The following CA13 variants were observed in gnomAD, a reference collection of about 807,000 sequenced individuals.
CA13 encodes the protein CA-XIII.
Under a neutral mutation model 31.5 loss-of-function variants are expected in CA13, and 21 were observed. That is an observed-to-expected ratio of 0.67 (90% CI 0.47 to 0.96). CA13 has a LOEUF of 0.96. Ranked by LOEUF, CA13 falls within the 40% of genes least tolerant of loss-of-function variation. CA13 has a pLI of 0.00. For missense variants in CA13, 315 were observed against 318.9 expected (o/e 0.99, Z 0.09); for synonymous variants, 117 against 111.4 (o/e 1.05, Z -0.32).
chr8:85,245,872 G>T lies in CA13; in HGVS notation c.37+7G>T, dbSNP rs142533959. On this transcript the variant is annotated splice_region_variant and intron_variant, in intron 1 of 6. Coordinates refer to ENST00000321764, the MANE Select transcript of CA13 (RefSeq NM_198584.3). ...GGATACCGCGAGCACAACGGTGAGC[G>T]CCTTTTCCTGATCCAAGGGGGGGTT... 1,250 of 1,614,118 alleles carry T rather than the reference G, an allele frequency of 7.7e-4. 7 individuals carry two copies. In the African/African-American group the frequency reaches 0.015, roughly 19 times the overall value.
At chr8:85,281,108 CAG>C in intron 6 of CA13, 120 bp from the exon 7 acceptor site, 1 of 1,216,472 alleles carries the variant, frequency 8.2e-7, no homozygotes, top group Non-Finnish European at 1.1e-6. Flanking sequence ...TGACATGTAA[CAG>C]AAAATTTTCA....
In CA13 at chr8:85,282,770, A is replaced by G. The variant is rs1227001864; in HGVS notation, c.*1421A>G. On this transcript the variant is annotated 3_prime_UTR_variant, in exon 7 of 7. Coordinates refer to ENST00000321764, the MANE Select transcript of CA13 (RefSeq NM_198584.3). ...TGGTGTTTCTTTTGCCCTTTCTGGT[A>G]CAAACAGAGGGACACTAAGCATTAA... 6.6e-6 allele frequency: 1 copy of G among 152,152 alleles called. No homozygotes were observed. The allele number at this position is 152,152 out of a possible 1,614,324, so 9.4% of individuals were successfully genotyped here.
At chr8:85,277,746 G>A (rs547040184) in intron 6 of CA13, among the ~76,000 whole-genome samples, 8 of 151,934 alleles carry the variant, frequency 5.3e-5, no homozygotes, top group Admixed American at 3.9e-4. Context: ...GGCATCAGCC[G>A]GAAGTGAGGA....
At chr8:85,260,336 T>G (rs939041736) in intron 3 of CA13, among the ~76,000 whole-genome samples, 2 of 152,350 alleles carry the variant, frequency 1.3e-5, no homozygotes, top group East Asian at 1.9e-4. Flanking sequence ...ATTATATGAC[T>G]CAATCAATAC....
intron 2 of CA13, among the ~76,000 whole-genome samples, chr8:85,256,161 G>A (rs1052012674): frequency 2.6e-5 from 4 of 151,790 alleles, no homozygotes; most frequent in African/African-American, 9.7e-5. Context: ...ATTAATATTT[G>A]CCGTTTAACA....
Position 85,281,168 on chromosome 8 carries a change from G to A in CA13, c.670-62G>A. Reference sequence around the variant, plus strand: ...TTATAGATATATCTTCTTTATGCAGGGTAATTCATTAATATTGGTGGGAAT... The same window carrying A: ...TTATAGATATATCTTCTTTATGCAGAGTAATTCATTAATATTGGTGGGAAT... On this transcript the variant is annotated intron_variant, in intron 6 of 6. Coordinates refer to ENST00000321764, the MANE Select transcript of CA13 (RefSeq NM_198584.3). 1.9e-6 allele frequency: 3 copies of A among 1,579,928 alleles called. No individual in the cohort carries two copies. In the South Asian group the frequency reaches 3.4e-5, roughly 18 times the overall value.
At chr8:85,256,526 C>T (rs969974111) in intron 2 of CA13, among the ~76,000 whole-genome samples, 7 of 152,170 alleles carry the variant, frequency 4.6e-5, no homozygotes, top group African/African-American at 1.7e-4. Flanking sequence ...TGAAGTCAAA[C>T]AAATTATTCA....
intron 6 of CA13, among the ~76,000 whole-genome samples, chr8:85,271,845 G>T (rs1807530954): frequency 6.6e-6 from 1 of 152,068 alleles, no homozygotes; most frequent in Non-Finnish European, 1.5e-5. Context: ...AAGGCGGATG[G>T]ATCACCTAAG....
intron 6 of CA13, among the ~76,000 whole-genome samples, chr8:85,275,584 G>C (rs1281973505): frequency 6.6e-6 from 1 of 152,154 alleles, no homozygotes; most frequent in African/African-American, 2.4e-5. Context: ...TGCCACGGGT[G>C]ATTTTGGAGG....
chr8:85,274,912 C>G (rs762893696), intron 6 of CA13, among the ~76,000 whole-genome samples: 1 of 152,126 alleles, frequency 6.6e-6, no homozygotes, highest in Non-Finnish European at 1.5e-5. Flanking sequence ...ACAGGGACTC[C>G]GAGGGTGTTG....
intron 1 of CA13, among the ~76,000 whole-genome samples, chr8:85,249,613 G>C (rs80125334): frequency 1.3e-5 from 2 of 151,756 alleles, no homozygotes; most frequent in Admixed American, 6.6e-5. Flanking sequence ...TTTGGTTGTC[G>C]TTAGTAACAG....
chr8:85,277,159 C>G (rs1454363498), intron 6 of CA13, among the ~76,000 whole-genome samples: 1 of 152,198 alleles, frequency 6.6e-6, no homozygotes, highest in South Asian at 2.1e-4. Flanking sequence ...CTGAGGTCTT[C>G]TTCCACACCG....
Position 85,281,469 on chromosome 8 carries a change from G to T in CA13, c.*120G>T, listed in dbSNP as rs1245918063. On this transcript the variant is annotated 3_prime_UTR_variant, in exon 7 of 7. Transcript: ENST00000321764. ...ATTCTAATTTATAGGAAACATTTTAGTATGAGCTTCAGTGTCACAAAGAAA... is the reference window on the plus strand; with the variant it reads ...ATTCTAATTTATAGGAAACATTTTATTATGAGCTTCAGTGTCACAAAGAAA... 15 of 1,455,786 alleles carry T rather than the reference G, an allele frequency of 1.0e-5. No homozygotes were observed. The East Asian group carries it at 3.1e-4, about 31-fold the overall frequency. The allele number at this position is 1,455,786 out of a possible 1,614,324, so 90.2% of individuals were successfully genotyped here.
rs1457509286 is a variant in CA13, at chr8:85,283,347, T to C, written c.*1998T>C. 1 of 152,216 alleles carries C rather than the reference T, an allele frequency of 6.6e-6. No homozygotes were observed. The highest frequency in any genetic ancestry group is 1.5e-5 in the Non-Finnish European group (1 of 68,040). The allele number at this position is 152,216 out of a possible 1,614,324, so 9.4% of individuals were successfully genotyped here. ...TGAGCTCCTGAAGAGTGAAGCTAAT[T>C]CTTTGGTCAATGTTCTTTTCCCCTC... On this transcript the variant is annotated 3_prime_UTR_variant, in exon 7 of 7. Coordinates refer to ENST00000321764, the MANE Select transcript of CA13 (RefSeq NM_198584.3).
At chr8:85,255,294 A>C (rs1807274997) in intron 2 of CA13, among the ~76,000 whole-genome samples, 1 of 146,370 alleles carries the variant, frequency 6.8e-6, no homozygotes. Context: ...ACAAGATCTC[A>C]CTCTGTCACC....
intron 3 of CA13, among the ~76,000 whole-genome samples, chr8:85,265,442 A>T (rs1807442468): frequency 6.6e-6 from 1 of 152,214 alleles, no homozygotes; most frequent in Admixed American, 6.5e-5. Flanking sequence ...TTGCAATGGT[A>T]AAACATTTAG....
chr8:85,246,417 C>T (rs1308277416), intron 1 of CA13: 2 of 456,068 alleles, frequency 4.4e-6, no homozygotes, highest in South Asian at 3.1e-5. Flanking sequence ...AATATTCCCA[C>T]AGCAATTTGC....
At chr8:85,278,345 G>A (rs1215582014) in intron 6 of CA13, among the ~76,000 whole-genome samples, 1 of 151,784 alleles carries the variant, frequency 6.6e-6, no homozygotes, top group African/African-American at 2.4e-5. Context: ...TAGGGTCCAG[G>A]GATCTGAATT....
chr8:85,252,857 G>T (rs1048533175), intron 2 of CA13, among the ~76,000 whole-genome samples: 1 of 152,046 alleles, frequency 6.6e-6, no homozygotes, highest in Admixed American at 6.5e-5. Flanking sequence ...TTGTATTTAT[G>T]TAAAGCCTTA....
Sources: allele counts gnomAD v4.1 joint callset (sites outside exome capture counted in the v4.1 genomes callset), GRCh38; gene constraint gnomAD v4.1.1; transcripts MANE v1.5; gene names NCBI Gene and HGNC (gene_info 2026-07-23, HGNC 2026-07-21).